Variants in AGBL4 observed in about 807,000 individuals in gnomAD.
AGBL4 encodes cytosolic carboxypeptidase 6.
AGBL4 carries 58 observed loss-of-function variants against 66.4 expected under a neutral mutation model. That is an observed-to-expected ratio of 0.87 (90% confidence interval 0.71 to 1.09). The LOEUF is 1.09. AGBL4 is among the 50% of genes least tolerant of loss of function. The probability of loss-of-function intolerance (pLI) is 0.00; values close to 1 mark genes in which losing one functional copy is unlikely to be tolerated. For synonymous variants in AGBL4, 234 were observed against 222.9 expected (o/e 1.05, Z -0.44); for missense variants, 579 against 631.0 (o/e 0.92, Z 0.88).
At chr1:48,855,606 G>T (rs1647130455) in intron 6 of AGBL4, among the ~76,000 whole-genome samples, 1 of 152,046 alleles carries the variant, frequency 6.6e-6, no homozygotes, top group Non-Finnish European at 1.5e-5. Flanking sequence ...CATATTAATG[G>T]TCTTTGACCC....
chr1:49,041,214 T>C (rs948659434), intron 5 of AGBL4, among the ~76,000 whole-genome samples: 2 of 152,124 alleles, frequency 1.3e-5, no homozygotes, highest in Admixed American at 1.3e-4. Context: ...GCCTTCCCAC[T>C]TGTAATTATC....
chr1:49,734,550 T>C (rs1182940717), intron 2 of AGBL4, among the ~76,000 whole-genome samples: 2 of 151,882 alleles, frequency 1.3e-5, no homozygotes, highest in Non-Finnish European at 2.9e-5. Context: ...TTCATAACAG[T>C]ATCCAAAAAA....
intron 1 of AGBL4, among the ~76,000 whole-genome samples, chr1:49,864,422 G>A (rs1646650771): frequency 6.6e-6 from 1 of 152,204 alleles, no homozygotes; most frequent in Non-Finnish European, 1.5e-5. Flanking sequence ...GATGCAGTGG[G>A]AGGCTCCAAC....
chr1:49,487,500 T>C (rs565690591), intron 3 of AGBL4, among the ~76,000 whole-genome samples: 1 of 151,868 alleles, frequency 6.6e-6, no homozygotes, highest in Non-Finnish European at 1.5e-5. Flanking sequence ...AGCTAGTGAG[T>C]GAGTTCTCAG....
At position 48,688,575 on chromosome 1, in the gene AGBL4, T is replaced by G. The variant is rs1049480504; in HGVS notation, c.635-25334A>C. 4.5e-4 allele frequency among the ~76,000 whole-genome samples: 68 copies of G among 152,110 alleles called. 1 individual carries two copies. The highest frequency in any genetic ancestry group is 1.6e-3 in the African/African-American group (67 of 41,412). On this transcript the variant is annotated intron_variant, in intron 6 of 13. Coordinates refer to ENST00000371839, the MANE Select transcript of AGBL4 (RefSeq NM_032785.4). Reference sequence around the variant, plus strand: ...GTCCTTGGCCTCTAGGGACCCAGACTCCCCCAGTATTAGAAGACAAGCCTC... The same window carrying G: ...GTCCTTGGCCTCTAGGGACCCAGACGCCCCCAGTATTAGAAGACAAGCCTC...
chr1:49,671,788 C>A (rs2124526730), intron 3 of AGBL4, among the ~76,000 whole-genome samples: 1 of 152,132 alleles, frequency 6.6e-6, no homozygotes, highest in Non-Finnish European at 1.5e-5. Flanking sequence ...AATGAGATAC[C>A]ATCTCATACC....
intron 1 of AGBL4, among the ~76,000 whole-genome samples, chr1:49,889,144 G>A (rs1648376284): frequency 6.6e-6 from 1 of 152,168 alleles, no homozygotes; most frequent in African/African-American, 2.4e-5. Flanking sequence ...GGTGGAAAAT[G>A]AGTTAGTTCC....
At chr1:49,570,647 A>T (rs1256692700) in intron 3 of AGBL4, among the ~76,000 whole-genome samples, 2 of 152,092 alleles carry the variant, frequency 1.3e-5, no homozygotes, top group East Asian at 3.9e-4. Flanking sequence ...AGTCTTAGTC[A>T]TATATTGTTT....
intron 6 of AGBL4, among the ~76,000 whole-genome samples, chr1:48,702,997 C>T (rs1162186530): frequency 6.6e-6 from 1 of 152,044 alleles, no homozygotes; most frequent in East Asian, 1.9e-4. Context: ...TTTGCAAATG[C>T]CAGGTCTGCA....
intron 3 of AGBL4, among the ~76,000 whole-genome samples, chr1:49,448,346 C>G (rs1474317548): frequency 6.6e-6 from 1 of 152,120 alleles, no homozygotes; most frequent in Non-Finnish European, 1.5e-5. Context: ...GCTTCCTTCT[C>G]CCCGTCTCCT....
chr1:49,292,272 T>C (rs1464239608), intron 3 of AGBL4, among the ~76,000 whole-genome samples: 1 of 152,140 alleles, frequency 6.6e-6, no homozygotes, highest in African/African-American at 2.4e-5. Flanking sequence ...CATCACTGGT[T>C]TGCAGGCACT....
chr1:49,396,684 A>C (rs146323710), intron 3 of AGBL4, among the ~76,000 whole-genome samples: 2 of 152,348 alleles, frequency 1.3e-5, no homozygotes, highest in East Asian at 3.9e-4. Flanking sequence ...AAAATTATAC[A>C]GCAAAATTTC....
chr1:48,939,162 G>A (rs79466755), intron 5 of AGBL4, among the ~76,000 whole-genome samples: 6,138 of 152,294 alleles, frequency 0.04, 387 homozygotes, highest in African/African-American at 0.14. Flanking sequence ...ATTCCTGAGG[G>A]TGGGTTTTTG....
At chr1:49,952,115 A>G (rs1489500714) in intron 1 of AGBL4, among the ~76,000 whole-genome samples, 1 of 151,938 alleles carries the variant, frequency 6.6e-6, no homozygotes, top group African/African-American at 2.4e-5. Context: ...AATATATTTA[A>G]TGCCACTGAA....
intron 5 of AGBL4, among the ~76,000 whole-genome samples, chr1:48,953,555 G>A (rs1657178088): frequency 6.6e-6 from 1 of 152,148 alleles, no homozygotes; most frequent in South Asian, 2.1e-4. Context: ...ATGAAGAAGA[G>A]TATTCAAAAG....
chr1:49,205,014 T>C (rs988296187), intron 4 of AGBL4, among the ~76,000 whole-genome samples: 9 of 152,128 alleles, frequency 5.9e-5, no homozygotes, highest in African/African-American at 2.2e-4. Context: ...TGGGTACAAC[T>C]ACTCAGAGAA....
At chr1:49,058,678 G>T (rs931355253) in intron 4 of AGBL4, among the ~76,000 whole-genome samples, 1 of 152,228 alleles carries the variant, frequency 6.6e-6, no homozygotes, top group Non-Finnish European at 1.5e-5. Flanking sequence ...GGGCTCAGAA[G>T]AAGACAGGAA....
At chr1:49,822,486 T>C (rs1645395632) in intron 2 of AGBL4, among the ~76,000 whole-genome samples, 1 of 152,078 alleles carries the variant, frequency 6.6e-6, no homozygotes, top group South Asian at 2.1e-4. Flanking sequence ...TCACAACGCC[T>C]GGCTAATTTT....
At chr1:49,629,441 G>A (rs1645527137) in intron 3 of AGBL4, among the ~76,000 whole-genome samples, 1 of 152,022 alleles carries the variant, frequency 6.6e-6, no homozygotes, top group South Asian at 2.1e-4. Context: ...CTTACGCCTT[G>A]GGCCAAGGAC....
Sources: gnomAD v4.1 joint callset for allele counts (sites outside exome capture counted in the v4.1 genomes callset) on GRCh38, gnomAD v4.1.1 for gene constraint, MANE v1.5 for transcripts, NCBI Gene and HGNC (gene_info 2026-07-23, HGNC 2026-07-21) for gene names.